The following CARMIL3 variants were observed in gnomAD, a reference collection of about 807,000 sequenced individuals.
CARMIL3 encodes the protein capping protein, Arp2/3 and myosin-I linker protein 3.
A neutral mutation model predicts 180.8 loss-of-function variants in CARMIL3; 88 were observed. The ratio of observed to expected loss-of-function variants is 0.49; its 90% CI spans 0.41 to 0.58. CARMIL3 has a LOEUF of 0.58. CARMIL3 is among the 20% of genes least tolerant of loss of function. CARMIL3 has a pLI of 0.00. For missense variants in CARMIL3, 1,548 were observed against 1,787.0 expected, an observed-to-expected ratio of 0.87 and a Z score of 2.41; for synonymous variants, 696 against 714.5, an observed-to-expected ratio of 0.97 and a Z score of 0.41.
chr14:24,068,922 T>C lies in CARMIL3; in HGVS notation c.3938T>C (p.Leu1313Pro). ...DAAPGVNKPR[L>P]RLSSQQDQEE... ...GCTCCAGGAGTCAACAAACCCCGGC[T>C]GAGGCTGAGCTCACAGCAAGACCAA... The change falls in exon 38 of 40, where the codon CTG becomes CCG. Residue 1313 changes from leucine to proline, a missense_variant. Leu to Pro is a moderately conservative substitution (Grantham distance 98). Transcript: ENST00000342740. The C allele has an allele frequency of 6.3e-7, 1 of 1,588,134 alleles. No homozygotes were observed. Among genetic ancestry groups the C allele is most frequent in the East Asian group, 2.3e-5 (1 of 43,642 alleles).
At chr14:24,063,918 A>AC in intron 31 of CARMIL3, among the ~76,000 whole-genome samples, 1 of 151,352 alleles carries the variant, frequency 6.6e-6, no homozygotes, top group Non-Finnish European at 1.5e-5. Context: ...AGATGGTGAA[A>AC]CCCCATCTCC....
chr14:24,054,335 C>A lies in CARMIL3; in HGVS notation c.246+34C>A. On this transcript the variant is annotated intron_variant, in intron 4 of 39. Coordinates refer to ENST00000342740, the MANE Select transcript of CARMIL3 (RefSeq NM_138360.4). The surrounding 1 kb of genome is among the most constrained non-coding windows in gnomAD (Gnocchi z 5.1). ...CAGGGCTTTGGGCCCCACTACTGGG[C>A]CAGCTGGAGGAGGGAGCAGAGAGGA... 6.2e-7 allele frequency: 1 copy of A among 1,614,020 alleles called. No individual in the cohort carries two copies. The highest frequency in any genetic ancestry group is 1.3e-5 in the African/African-American group (1 of 75,046).
chr14:24,068,106 G>A (rs566878394), intron 36 of CARMIL3, among the ~76,000 whole-genome samples: 69 of 152,348 alleles, frequency 4.5e-4, no homozygotes, highest in African/African-American at 1.6e-3. Flanking sequence ...GATGTAGAAA[G>A]GCATATGAAA....
chr14:24,060,286 A>T, intron 24 of CARMIL3, 31 bp downstream of exon 24: 1 of 1,608,480 alleles, frequency 6.2e-7, no homozygotes, highest in Admixed American at 1.7e-5. Flanking sequence ...CACGGGGCAT[A>T]CCCGGGGCAT....
intron 14 of CARMIL3, 140 bp downstream of exon 14, chr14:24,057,384 A>G (rs12431698): frequency 0.74 from 555,744 of 753,430 alleles, 208,535 homozygotes; most frequent in Non-Finnish European, 0.79. Flanking sequence ...GTATAAAGCA[A>G]TGTCCATAGT....
rs747500918 is a variant in CARMIL3, at chr14:24,055,537, C to A, written c.606-6C>A. ...CACTTTCCTGCCCCCTTCCATATCC[C>A]CACAGAGACTTGGCCCTAATGGTAG... On this transcript the variant is annotated splice_polypyrimidine_tract_variant and splice_region_variant and intron_variant, in intron 8 of 39. Transcript: ENST00000342740. 2 of 1,614,022 alleles carry A rather than the reference C, an allele frequency of 1.2e-6. No homozygotes were observed. The highest frequency in any genetic ancestry group is 1.3e-5 in the African/African-American group (1 of 74,912).
intron 32 of CARMIL3, 97 bp downstream of exon 32, chr14:24,064,443 A>T (rs1035710060): frequency 2.3e-6 from 2 of 869,334 alleles, no homozygotes; most frequent in Non-Finnish European, 3.7e-6. Context: ...CCATAACAGC[A>T]GTGCCCAAAG....
Position 24,065,708 on chromosome 14 carries a change from G to C in CARMIL3, c.3483G>C (p.Gly1161=). 6.2e-7 allele frequency: 1 copy of C among 1,614,112 alleles called. No homozygotes were observed. The highest frequency in any genetic ancestry group is 8.5e-7 in the Non-Finnish European group (1 of 1,179,970). Residue 1161 remains glycine, a synonymous_variant, in exon 34 of 40, where the codon GGG becomes GGC. Transcript: ENST00000342740. Reference sequence around the variant, plus strand: ...GGGTTCACGGTGTTGCCCTTCCCGGGTTGGAAAGAGCCAAGGGTTGGAGCT... The same window carrying C: ...GGGTTCACGGTGTTGCCCTTCCCGGCTTGGAAAGAGCCAAGGGTTGGAGCT... The part of the protein sequence containing the change: ...QPRVHGVALP[G]LERAKGWSFD...
chr14:24,052,527 C>T (rs978189633), intron 1 of CARMIL3, among the ~76,000 whole-genome samples: 6 of 152,314 alleles, frequency 3.9e-5, no homozygotes, highest in African/African-American at 1.4e-4. Context: ...CGGAGAGTCC[C>T]CGCTTCCCCG....
rs958848363 is a variant in CARMIL3 at position 24,059,506 on chromosome 14, C to T, written c.1799+64C>T. On this transcript the variant is annotated intron_variant, in intron 21 of 39. Transcript: ENST00000342740. The surrounding 1 kb of genome is among the most constrained non-coding windows in gnomAD (Gnocchi z 6.3). ...GCCCCTCCCCATATGTACATAATCTCCCTGCTTTCCTTGATGCTCTGGACC... is the reference window on the plus strand; with the variant it reads ...GCCCCTCCCCATATGTACATAATCTTCCTGCTTTCCTTGATGCTCTGGACC... 18 of 1,532,600 alleles carry T rather than the reference C, an allele frequency of 1.2e-5. No individual in the cohort carries two copies. The East Asian group carries it at 4.4e-4, about 38-fold the overall frequency. The allele number at this position is 1,532,600 out of a possible 1,614,324, so 94.9% of individuals were successfully genotyped here.
chr14:24,057,138 C>T, intron 13 of CARMIL3, 29 bp from the exon 14 acceptor site: 6 of 1,610,730 alleles, frequency 3.7e-6, no homozygotes, highest in Non-Finnish European at 5.1e-6. Flanking sequence ...CATCCCTTCC[C>T]CTGCAACCCC....
intron 1 of CARMIL3, among the ~76,000 whole-genome samples, chr14:24,052,938 G>C (rs1301659588): frequency 6.6e-6 from 1 of 152,170 alleles, no homozygotes; most frequent in East Asian, 1.9e-4. Flanking sequence ...AGCGCAGGAT[G>C]CTCGTGGATA....
At chr14:24,057,322 C>A in intron 14 of CARMIL3, 78 bp downstream of exon 14, 1 of 1,319,932 alleles carries the variant, frequency 7.6e-7, no homozygotes, top group South Asian at 1.2e-5. Flanking sequence ...ACCCCCTATC[C>A]CTGAGTACAC....
chr14:24,055,589 A>G lies in CARMIL3; in HGVS notation c.652A>G (p.Thr218Ala). 1.2e-6 allele frequency: 2 copies of G among 1,614,116 alleles called. No homozygotes were observed. The highest frequency in any genetic ancestry group is 1.7e-6 in the Non-Finnish European group (2 of 1,180,020). The change falls in exon 9 of 40, where the codon ACC becomes GCC. Residue 218 changes from threonine (T) to alanine (A), a missense_variant. Thr to Ala is a moderately conservative substitution (Grantham distance 58). Coordinates refer to ENST00000342740, the MANE Select transcript of CARMIL3 (RefSeq NM_138360.4). ...AGCCCTGGCCTACAACCAGTGGTTC[A>G]CCAAACTCTACTGCAAGGACTTGCG... ...VAALAYNQWFTKLYCKDLRLG... is the reference protein window; with the variant it reads ...VAALAYNQWFAKLYCKDLRLG...
intron 34 of CARMIL3, among the ~76,000 whole-genome samples, chr14:24,066,189 T>C (rs1213088655): frequency 6.6e-6 from 1 of 152,216 alleles, no homozygotes; most frequent in African/African-American, 2.4e-5. Flanking sequence ...AATACATATG[T>C]AACTATAAAG....
In CARMIL3 at chr14:24,060,111, C is replaced by A. The variant is rs777589390; in HGVS notation, c.1963-46C>A. ...GGGTGGCACAGCAAGGGGCAGGGGG[C>A]AGCCCCCATCCCCAGGCCCTGACCC... On this transcript the variant is annotated intron_variant, in intron 23 of 39. Coordinates refer to ENST00000342740, the MANE Select transcript of CARMIL3 (RefSeq NM_138360.4). 6.8e-6 allele frequency: 11 copies of A among 1,613,232 alleles called. No homozygotes were observed. In the South Asian group the frequency reaches 1.2e-4, roughly 18 times the overall value.
Position 24,060,616 on chromosome 14 carries a change from A to G in CARMIL3, c.2062-12A>G. 1 of 1,613,170 alleles carries G rather than the reference A, an allele frequency of 6.2e-7. No homozygotes were observed. The highest frequency in any genetic ancestry group is 8.5e-7 in the Non-Finnish European group (1 of 1,179,582). ...CAGGGGTCCCCTTGACACCCCTGCC[A>G]CTGTGCTCCAGATGCTGCAGCGGCT... On this transcript the variant is annotated splice_polypyrimidine_tract_variant and intron_variant, in intron 24 of 39. Coordinates refer to ENST00000342740, the MANE Select transcript of CARMIL3 (RefSeq NM_138360.4).
Position 24,057,955 on chromosome 14 carries a change from C to T in CARMIL3, c.1218-5C>T. ...CCCTCGCTGACCCCAGGGGTCTCTC[C>T]ACAGGAAGGGTCGAGAGGCCCCGCC... On this transcript the variant is annotated splice_region_variant and splice_polypyrimidine_tract_variant and intron_variant, in intron 15 of 39. Transcript: ENST00000342740. 1.2e-6 allele frequency: 2 copies of T among 1,613,446 alleles called. No individual in the cohort carries two copies. The highest frequency in any genetic ancestry group is 1.7e-5 in the Admixed American group (1 of 60,020).
chr14:24,058,464 G>A lies in CARMIL3; in HGVS notation c.1393-216G>A, dbSNP rs1333072949. ...AGATACCAGACTTTTCCACCAGAGG[G>A]CAGGAGCAAGCTGTCTTAGGAATAG... On this transcript the variant is annotated intron_variant, in intron 17 of 39. Coordinates refer to ENST00000342740, the MANE Select transcript of CARMIL3 (RefSeq NM_138360.4). The surrounding 1 kb of genome is among the most constrained non-coding windows in gnomAD (Gnocchi z 6.4). Among the ~76,000 whole-genome samples, 1 of 152,148 alleles carries A rather than the reference G, an allele frequency of 6.6e-6. No homozygotes were observed. Among genetic ancestry groups the A allele is most frequent in the Non-Finnish European group, 1.5e-5 (1 of 68,020 alleles).
Sources: allele counts gnomAD v4.1 joint callset (sites outside exome capture counted in the v4.1 genomes callset), GRCh38; gene constraint gnomAD v4.1.1; non-coding constraint Gnocchi (gnomAD v3.1); transcripts MANE v1.5; gene names NCBI Gene and HGNC (gene_info 2026-07-23, HGNC 2026-07-21).